NAV1: variants seen among roughly 807,000 people sequenced by gnomAD.
The protein encoded by NAV1 is pore membrane and/or filament interacting like protein 3.
In NAV1, 18 loss-of-function variants were observed where a neutral mutation model predicts 175.2. The ratio of observed to expected loss-of-function variants is 0.10; its 90% CI spans 0.07 to 0.15. NAV1 has a LOEUF of 0.15. Among genes scored for constraint, NAV1 ranks in the 10% least tolerant of loss-of-function variants. The pLI is 1.00. For missense variants in NAV1, 1,731 were observed against 2,436.6 expected (o/e 0.71, Z 6.10); for synonymous variants, 897 against 978.7 (o/e 0.92, Z 1.56).
rs374751019 is a variant in NAV1, at chr1:201,785,324, G to A, written c.2819G>A (p.Arg940Gln). The A allele has an allele frequency of 1.3e-5, 21 of 1,608,892 alleles. 1 individual carries two copies. The highest frequency in any genetic ancestry group is 5.5e-5 in the South Asian group (5 of 90,804). Residue 940 changes from arginine (R) to glutamine (Q), a missense_variant, in exon 8 of 30, where the codon CGG becomes CAG. Arg to Gln is a conservative substitution (Grantham distance 43). Around this residue, in one of 13 missense-constraint regions of NAV1, gnomAD observed 634 missense variants for 766.8 expected, o/e 0.83. Coordinates refer to ENST00000367296, the Ensembl canonical transcript of NAV1. ...TATCTCCACAGTAATCAGCGGGATC[G>A]GAACACTCTTCCCAAGAAAGGGCTC...
chr1:201,569,352 G>C (rs1666462620), intron 1 of NAV1, among the ~76,000 whole-genome samples: 1 of 152,192 alleles, frequency 6.6e-6, no homozygotes, highest in Non-Finnish European at 1.5e-5. Context: ...GCAGCCCAGA[G>C]CTAGCTTCGA....
chr1:201,636,519 G>A (rs577818832), intron 2 of NAV1, among the ~76,000 whole-genome samples: 14 of 152,334 alleles, frequency 9.2e-5, no homozygotes, highest in Middle Eastern at 3.4e-3. Context: ...TGCCTTCCTG[G>A]GTGGTGGGAG....
intron 1 of NAV1, among the ~76,000 whole-genome samples, chr1:201,705,127 G>A (rs751571810): frequency 2.6e-5 from 4 of 152,074 alleles, no homozygotes; most frequent in Admixed American, 6.5e-5. Flanking sequence ...CCCTCTTTAC[G>A]TGTTCTAAGT....
rs1298323085 is a variant in NAV1 at position 201,782,050 on chromosome 1, A to AT, written c.1664-123dup. Reference sequence around the variant, plus strand: ...GCTTATCTTGTACCTGTTTACCCAAATTTAGGCCTCTAAAAGTCTACAATA... The same window carrying AT: ...GCTTATCTTGTACCTGTTTACCCAAATTTTAGGCCTCTAAAAGTCTACAATA... On this transcript the variant is annotated intron_variant, in intron 5 of 29. Coordinates refer to ENST00000367296, the Ensembl canonical transcript of NAV1. The surrounding 1 kb of genome is among the most constrained non-coding windows in gnomAD (Gnocchi z 5.4). 1.2e-6 allele frequency: 1 copy of AT among 809,888 alleles called. No individual in the cohort carries two copies. Among genetic ancestry groups the AT allele is most frequent in the East Asian group, 2.6e-5 (1 of 38,170 alleles). The allele number at this position is 809,888 out of a possible 1,614,324, so 50.2% of individuals were successfully genotyped here. A position where few individuals can be genotyped will look rare whatever the true frequency, so the allele number is the denominator to read the frequency against.
chr1:201,720,734 T>A (rs1672348132), intron 3 of NAV1, among the ~76,000 whole-genome samples: 1 of 152,372 alleles, frequency 6.6e-6, no homozygotes, highest in South Asian at 2.1e-4. Context: ...ATATGTAAAG[T>A]ACTTAGAATA....
chr1:201,549,409 A>G (rs867446575), intron 1 of NAV1, among the ~76,000 whole-genome samples: 8 of 152,048 alleles, frequency 5.3e-5, no homozygotes, highest in African/African-American at 1.4e-4. Flanking sequence ...GGGTTTTGCC[A>G]TGTTGCCCAG....
At chr1:201,628,386 G>C (rs1668395345) in intron 1 of NAV1, among the ~76,000 whole-genome samples, 1 of 152,148 alleles carries the variant, frequency 6.6e-6, no homozygotes. Context: ...CCAGCCTTGA[G>C]GGGCATCTTT....
At position 201,752,219 on chromosome 1, in the gene NAV1, T is replaced by C. The variant is rs1191115278; in HGVS notation, c.1227-28202T>C. Among the ~76,000 whole-genome samples the C allele has an allele frequency of 1.9e-4, 29 of 151,206 alleles. 1 individual carries two copies. In the Admixed American group the frequency reaches 1.9e-3, roughly 10 times the overall value. On this transcript the variant is annotated intron_variant, in intron 3 of 29. Transcript: ENST00000367296. The stretch of plus-strand genomic sequence containing the variant: ...GATGAAGGCAAGAGGTCTATAAAAA[T>C]TACAAAGCCCTCCAAGGCCGGATCA...
Position 201,746,347 on chromosome 1 carries a change from G to C in NAV1, c.1226+27592G>C, listed in dbSNP as rs549978818. ...GCTTTGGACATACCATATTTATGCT[G>C]TGTCATGTCACACACAGAGCCCTTC... On this transcript the variant is annotated intron_variant, in intron 3 of 29. Transcript: ENST00000367296. Among the ~76,000 whole-genome samples the C allele has an allele frequency of 5.8e-4, 88 of 152,216 alleles. No homozygotes were observed. In the South Asian group the frequency reaches 0.018, roughly 30 times the overall value.
At chr1:201,574,269 G>C (rs1416117939) in intron 1 of NAV1, among the ~76,000 whole-genome samples, 5 of 152,186 alleles carry the variant, frequency 3.3e-5, no homozygotes, top group African/African-American at 1.2e-4. Flanking sequence ...TCCCCACAGA[G>C]AGAGTCAGGT....
At chr1:201,804,170 T>C in intron 16 of NAV1, 2 of 487,812 alleles carry the variant, frequency 4.1e-6, no homozygotes, top group Non-Finnish European at 7.4e-6. Flanking sequence ...AAAGGACTCT[T>C]TATTATTACC....
At chr1:201,797,508 G>A (rs187361524) in intron 15 of NAV1, 50 of 152,262 alleles carry the variant, frequency 3.3e-4, no homozygotes, top group African/African-American at 1.1e-3. Flanking sequence ...TGTGTCCTTT[G>A]CATTTCCATG....
chr1:201,783,928 A>G, intron 7 of NAV1, 76 bp downstream of exon 11: 3 of 1,346,598 alleles, frequency 2.2e-6, no homozygotes, highest in Non-Finnish European at 1.0e-6. Flanking sequence ...ATACTATCCT[A>G]TATTTTATTG....
Position 201,808,947 on chromosome 1 carries a change from G to C in NAV1, c.4207+76G>C, listed in dbSNP as rs1050020703. 2.6e-6 allele frequency: 4 copies of C among 1,534,070 alleles called. No homozygotes were observed. The Admixed American group carries it at 7.5e-5, about 29-fold the overall frequency. On this transcript the variant is annotated intron_variant, in intron 20 of 29. Transcript: ENST00000367296. The surrounding 1 kb of genome is among the most constrained non-coding windows in gnomAD (Gnocchi z 5.5). The stretch of plus-strand genomic sequence containing the variant: ...ATTTCACTGTTACACCATTCCACTT[G>C]CTTTGGTCAGGGCGGTAACAATGCC...
intron 1 of NAV1, among the ~76,000 whole-genome samples, chr1:201,553,245 G>T (rs1240460025): frequency 6.6e-6 from 1 of 152,246 alleles, no homozygotes; most frequent in Non-Finnish European, 1.5e-5. Context: ...GGATACCTCT[G>T]TGGTGAAGGC....
chr1:201,544,704 A>C (rs1194154211), intron 1 of NAV1, among the ~76,000 whole-genome samples: 1 of 152,234 alleles, frequency 6.6e-6, no homozygotes, highest in Non-Finnish European at 1.5e-5. Flanking sequence ...GCATCCCTGA[A>C]TAAAGTGGAG....
At chr1:201,600,598 G>T (rs1430168733) in intron 2 of NAV1, among the ~76,000 whole-genome samples, 1 of 152,062 alleles carries the variant, frequency 6.6e-6, no homozygotes, top group Non-Finnish European at 1.5e-5. Flanking sequence ...TGGGAACTCT[G>T]TACTATCTTT....
At chr1:201,637,511 C>G (rs1668644351) in intron 2 of NAV1, among the ~76,000 whole-genome samples, 1 of 152,122 alleles carries the variant, frequency 6.6e-6, no homozygotes, top group African/African-American at 2.4e-5. Flanking sequence ...GGGCCTTGTG[C>G]TTTTCCTCAT....
intron 1 of NAV1, among the ~76,000 whole-genome samples, chr1:201,665,836 C>T (rs560311545): frequency 1.3e-5 from 2 of 152,008 alleles, no homozygotes; most frequent in East Asian, 3.9e-4. Flanking sequence ...CATCCTCCCT[C>T]ATCTCTCAAT....
Sources: gnomAD v4.1 joint callset for allele counts (sites outside exome capture counted in the v4.1 genomes callset) on GRCh38, gnomAD v4.1.1 for gene constraint, gnomAD v4.1.1 regional missense constraint, Gnocchi (gnomAD v3.1) non-coding constraint, MANE v1.5 for transcripts, NCBI Gene and HGNC (gene_info 2026-07-23, HGNC 2026-07-21) for gene names.